SLC2A1: variants seen among roughly 807,000 people sequenced by gnomAD.
The protein encoded by SLC2A1 is solute carrier family 2, facilitated glucose transporter member 1.
SLC2A1 carries 4 observed loss-of-function variants against 46.6 expected under a neutral mutation model. The observed-to-expected ratio is 0.09, with a 90% CI of 0.04 to 0.20. The LOEUF is 0.20. SLC2A1 is among the 10% of genes least tolerant of loss of function. SLC2A1 has a pLI of 1.00. For missense variants in SLC2A1, 352 were observed against 667.0 expected (o/e 0.53, Z 5.20); for synonymous variants, 253 against 270.0 (o/e 0.94, Z 0.62).
At position 42,930,966 on chromosome 1, in the gene SLC2A1, T is replaced by C; in HGVS notation, c.275+80A>G. On this transcript the variant is annotated intron_variant, in intron 3 of 9. Coordinates refer to ENST00000426263, the MANE Select transcript of SLC2A1 (RefSeq NM_006516.4). This position sits in a 1 kb window ranked among gnomAD's most constrained non-coding sequence, Gnocchi z 6.2. ...CTGGAACAGGCAGATAAGTCTCCCCTACCTCCCACCCCATCTGGGACTCCC... is the reference window on the plus strand; with the variant it reads ...CTGGAACAGGCAGATAAGTCTCCCCCACCTCCCACCCCATCTGGGACTCCC... 6.2e-7 allele frequency: 1 copy of C among 1,607,682 alleles called. No homozygotes were observed. Among genetic ancestry groups the C allele is most frequent in the South Asian group, 1.1e-5 (1 of 90,644 alleles).
chr1:42,940,554 G>A (rs1049765568), intron 2 of SLC2A1, among the ~76,000 whole-genome samples: 1 of 151,946 alleles, frequency 6.6e-6, no homozygotes, highest in Non-Finnish European at 1.5e-5. Context: ...TTCTACTTAG[G>A]GTCTTTTTCT....
Position 42,958,849 on chromosome 1 carries a change from G to C in SLC2A1, c.-198C>G. ...GCGACTAGCGACCGGCACGCTCGCT[G>C]TTGCTACCTCTTGCCTCTTGCCAGA... is the stretch of plus-strand genomic sequence containing the variant. On this transcript the variant is annotated 5_prime_UTR_variant, in exon 1 of 10. Coordinates refer to ENST00000426263, the MANE Select transcript of SLC2A1 (RefSeq NM_006516.4). 1 of 572,516 alleles carries C rather than the reference G, an allele frequency of 1.7e-6. No homozygotes were observed. The highest frequency in any genetic ancestry group is 3.1e-6 in the Non-Finnish European group (1 of 321,598). 35.5% of individuals were successfully genotyped at this position (572,516 alleles called of 1,614,324 possible).
At position 42,926,593 on chromosome 1, in the gene SLC2A1, C is replaced by A; in HGVS notation, c.*448G>T. ...GGCCAGCAGAACGGGTGGCCATAGC[C>A]ACCTCCTGGGATAGAAGCTTTGTAG... is the stretch of plus-strand genomic sequence containing the variant. On this transcript the variant is annotated 3_prime_UTR_variant, in exon 10 of 10. Coordinates refer to ENST00000426263, the MANE Select transcript of SLC2A1 (RefSeq NM_006516.4). 3.6e-6 allele frequency: 3 copies of A among 824,734 alleles called. No homozygotes were observed. Among genetic ancestry groups the A allele is most frequent in the East Asian group, 6.5e-5 (1 of 15,324 alleles). 51.1% of individuals were successfully genotyped at this position (824,734 alleles called of 1,614,324 possible).
At chr1:42,949,528 G>A (rs1643698691) in intron 1 of SLC2A1, among the ~76,000 whole-genome samples, 1 of 152,210 alleles carries the variant, frequency 6.6e-6, no homozygotes, top group African/African-American at 2.4e-5. Flanking sequence ...CAAGCATTAA[G>A]TGCTCCTGAA....
At chr1:42,938,764 T>G (rs1477961513) in intron 2 of SLC2A1, among the ~76,000 whole-genome samples, 1 of 152,134 alleles carries the variant, frequency 6.6e-6, no homozygotes, top group African/African-American at 2.4e-5. Context: ...CACCTGCCCC[T>G]CCTGCCCTAT....
At chr1:42,934,943 C>T (rs1444220061) in intron 2 of SLC2A1, among the ~76,000 whole-genome samples, 2 of 152,174 alleles carry the variant, frequency 1.3e-5, no homozygotes, top group Non-Finnish European at 2.9e-5. Flanking sequence ...AGTCAGACCC[C>T]ATTTCCCACA....
chr1:42,952,369 C>T lies in SLC2A1; in HGVS notation c.18+6265G>A, dbSNP rs375143049. On this transcript the variant is annotated intron_variant, in intron 1 of 9. Coordinates refer to ENST00000426263, the MANE Select transcript of SLC2A1 (RefSeq NM_006516.4). ...CCACTCAGGCCCACACTCAGCCTAG[C>T]GCTTGGCTGGAGGAGATTCCCGTAG... The T allele has an allele frequency of 7.2e-4, 345 of 477,306 alleles. 2 individuals are homozygous for T. In the Middle Eastern group the frequency reaches 7.6e-3, roughly 10 times the overall value. 29.6% of individuals were successfully genotyped at this position (477,306 alleles called of 1,614,324 possible). A position where few individuals can be genotyped will look rare whatever the true frequency, so the allele number is the denominator to read the frequency against.
intron 1 of SLC2A1, among the ~76,000 whole-genome samples, chr1:42,951,191 C>T (rs969626233): frequency 6.6e-6 from 1 of 152,146 alleles, no homozygotes; most frequent in Non-Finnish European, 1.5e-5. Context: ...ACATGTAATA[C>T]ATCAGGTGGT....
intron 2 of SLC2A1, among the ~76,000 whole-genome samples, chr1:42,937,991 GT>G (rs1206171342): frequency 6.6e-6 from 1 of 152,156 alleles, no homozygotes; most frequent in Non-Finnish European, 1.5e-5. Context: ...AGTGTTGTTT[GT>G]CAAACAACTG....
At chr1:42,953,448 T>C (rs1643742591) in intron 1 of SLC2A1, among the ~76,000 whole-genome samples, 1 of 152,220 alleles carries the variant, frequency 6.6e-6, no homozygotes, top group Non-Finnish European at 1.5e-5. Context: ...CCTGCAGGCC[T>C]GGACACAGCC....
intron 1 of SLC2A1, among the ~76,000 whole-genome samples, chr1:42,943,868 G>C (rs1384467259): frequency 1.3e-5 from 2 of 152,194 alleles, no homozygotes; most frequent in African/African-American, 4.8e-5. Flanking sequence ...CCATTTGCTT[G>C]TCAGCAAAAT....
chr1:42,926,968 C>G lies in SLC2A1; in HGVS notation c.*73G>C. The G allele has an allele frequency of 6.3e-7, 1 of 1,578,468 alleles. No individual in the cohort carries two copies. Among genetic ancestry groups the G allele is most frequent in the Non-Finnish European group, 8.6e-7 (1 of 1,160,606 alleles). On this transcript the variant is annotated 3_prime_UTR_variant, in exon 10 of 10. Coordinates refer to ENST00000426263, the MANE Select transcript of SLC2A1 (RefSeq NM_006516.4). ...TGACATCTGTCAGGTTTGGAAGTCT[C>G]ATCCAGCTGCCTGTGCTCCTGAGAG...
intron 2 of SLC2A1, among the ~76,000 whole-genome samples, chr1:42,942,680 T>C (rs1423255986): frequency 6.6e-6 from 1 of 152,022 alleles, no homozygotes; most frequent in Non-Finnish European, 1.5e-5. Flanking sequence ...TGGATGGGTA[T>C]GAGTGCAGGC....
At position 42,929,094 on chromosome 1, in the gene SLC2A1, C is replaced by T; in HGVS notation, c.973-61G>A. ...TAGTGCCCTTCTGAACCCACCCACC[C>T]AGAGGCCTTGCCTCAAGAGCTGAGA... On this transcript the variant is annotated intron_variant, in intron 7 of 9. Coordinates refer to ENST00000426263, the MANE Select transcript of SLC2A1 (RefSeq NM_006516.4). The surrounding 1 kb of genome is among the most constrained non-coding windows in gnomAD (Gnocchi z 6.0). 2 of 1,574,568 alleles carry T rather than the reference C, an allele frequency of 1.3e-6. No individual in the cohort carries two copies. Among genetic ancestry groups the T allele is most frequent in the East Asian group, 2.2e-5 (1 of 44,664 alleles).
chr1:42,939,193 G>T (rs1643572261), intron 2 of SLC2A1, among the ~76,000 whole-genome samples: 1 of 152,234 alleles, frequency 6.6e-6, no homozygotes, highest in South Asian at 2.1e-4. Context: ...CTACACATGG[G>T]CTCTGAGCCT....
chr1:42,929,194 G>A lies in SLC2A1; in HGVS notation c.972+16C>T. On this transcript the variant is annotated intron_variant, in intron 7 of 9. Transcript: ENST00000426263. The surrounding 1 kb of genome is among the most constrained non-coding windows in gnomAD (Gnocchi z 6.0). ...CCCTGGGGTTTGGCTGGGGGGGCCA[G>A]TAAGCAAAGACTCACCGACACGACA... The A allele has an allele frequency of 6.2e-7, 1 of 1,609,468 alleles. No homozygotes were observed. Among genetic ancestry groups the A allele is most frequent in the Non-Finnish European group, 8.5e-7 (1 of 1,175,848 alleles).
chr1:42,928,741 G>A (rs776473289), intron 8 of SLC2A1, among the ~76,000 whole-genome samples, 191 bp downstream of exon 8: 1 of 152,146 alleles, frequency 6.6e-6, no homozygotes, highest in African/African-American at 2.4e-5. Flanking sequence ...CAAGCAGGGA[G>A]GAGCAAGTTC....
At chr1:42,939,163 GGAGT>G (rs1643572058) in intron 2 of SLC2A1, among the ~76,000 whole-genome samples, 1 of 152,270 alleles carries the variant, frequency 6.6e-6, no homozygotes, top group African/African-American at 2.4e-5. Context: ...CGCGGGCACA[GGAGT>G]CTCTCTGCCC....
chr1:42,932,273 C>G (rs1643499228), intron 2 of SLC2A1, among the ~76,000 whole-genome samples: 1 of 152,094 alleles, frequency 6.6e-6, no homozygotes, highest in South Asian at 2.1e-4. Context: ...CAGCCCTGCC[C>G]CCACCCTGGC....
Sources: allele counts gnomAD v4.1 joint callset (sites outside exome capture counted in the v4.1 genomes callset), GRCh38; gene constraint gnomAD v4.1.1; non-coding constraint Gnocchi (gnomAD v3.1); transcripts MANE v1.5; gene names NCBI Gene and HGNC (gene_info 2026-07-23, HGNC 2026-07-21).